Variants in GRK6 observed in about 807,000 individuals in gnomAD.
GRK6 encodes the protein G protein-coupled receptor kinase 6.
In GRK6, 37 loss-of-function variants were observed where a neutral mutation model predicts 80.8. That is an observed-to-expected ratio of 0.46 (90% CI 0.35 to 0.60). The LOEUF is 0.60. Among genes scored for constraint, GRK6 ranks in the 20% least tolerant of loss-of-function variants. The pLI is 0.00. For synonymous variants in GRK6, 295 were observed against 320.9 expected (o/e 0.92, Z 0.86); for missense variants, 560 against 784.6 (o/e 0.71, Z 3.42).
In GRK6 at chr5:177,434,108, G is replaced by C; in HGVS notation, c.929+4G>C. The C allele has an allele frequency of 6.4e-7, 1 of 1,552,740 alleles. No homozygotes were observed. The highest frequency in any genetic ancestry group is 8.7e-7 in the Non-Finnish European group (1 of 1,149,870). On this transcript the variant is annotated splice_donor_region_variant and intron_variant, in intron 9 of 15. Coordinates refer to ENST00000355472, the MANE Select transcript of GRK6 (RefSeq NM_001004106.3). ...ACCGGGAGCGCATCGTGTACAGGTG[G>C]GGAGGGCTCGGCCACCCCAGGGGCT...
chr5:177,427,809 G>A (rs1471099977), intron 1 of GRK6, among the ~76,000 whole-genome samples: 1 of 152,206 alleles, frequency 6.6e-6, no homozygotes, highest in Non-Finnish European at 1.5e-5. Flanking sequence ...AGGGCAAGGA[G>A]GGAGATTGTG....
At chr5:177,435,225 C>A in intron 11 of GRK6, 104 bp downstream of exon 11, 1 of 797,550 alleles carries the variant, frequency 1.3e-6, no homozygotes, top group Non-Finnish European at 2.0e-6. Context: ...AAAGGGGCCT[C>A]AGTAGAAAGG....
chr5:177,427,060 C>A (rs1297439588), intron 1 of GRK6, among the ~76,000 whole-genome samples, 163 bp downstream of exon 1: 2 of 152,124 alleles, frequency 1.3e-5, no homozygotes, highest in African/African-American at 4.8e-5. Flanking sequence ...TCTTCCTCCT[C>A]CGCACCTGCC....
At position 177,428,849 on chromosome 5, in the gene GRK6, C is replaced by T. The variant is rs944449324; in HGVS notation, c.52+1952C>T. 1.1e-4 allele frequency among the ~76,000 whole-genome samples: 16 copies of T among 152,158 alleles called. No individual in the cohort carries two copies. The highest frequency in any genetic ancestry group is 6.5e-5 in the Admixed American group (1 of 15,278). On this transcript the variant is annotated intron_variant, in intron 1 of 15. Transcript: ENST00000355472. The surrounding 1 kb of genome is among the most constrained non-coding windows in gnomAD (Gnocchi z 4.1). The stretch of plus-strand genomic sequence containing the variant: ...TGAGTCCTGAGCCCAGGCGCCTGGA[C>T]GGGCTGCATCAGAACCACCTCATGA...
At chr5:177,425,604 G>A (rs1324076142), upstream of GRK6, among the ~76,000 whole-genome samples, 5 of 152,208 alleles carry the variant, frequency 3.3e-5, no homozygotes, top group African/African-American at 9.6e-5. Context: ...CAAGTAAGCA[G>A]GGAGCCTGGC....
rs751785521 is a variant in GRK6, at chr5:177,431,976, CT to C, written c.149-17del. 6.8e-5 allele frequency: 110 copies of C among 1,608,846 alleles called. No homozygotes were observed. The highest frequency in any genetic ancestry group is 5.0e-5 in the Admixed American group (3 of 60,032). On this transcript the variant is annotated intron_variant, in intron 2 of 15. Coordinates refer to ENST00000355472, the MANE Select transcript of GRK6 (RefSeq NM_001004106.3). ...TGCTCTCGGGCTGTGGACCCAGCAGCTTCCATCACTGCCAACAGAGCGTGAC... is the reference window on the plus strand; with the variant it reads ...TGCTCTCGGGCTGTGGACCCAGCAGCTCCATCACTGCCAACAGAGCGTGAC...
At chr5:177,433,737 C>G (rs376738861) in intron 8 of GRK6, 61 bp downstream of exon 8, 1 of 1,583,674 alleles carries the variant, frequency 6.3e-7, no homozygotes, top group Non-Finnish European at 8.6e-7. Context: ...ACCGTCCCCA[C>G]CCCCCAGGCC....
In GRK6 at chr5:177,433,888, G is replaced by A. The variant is rs764815521; in HGVS notation, c.739-26G>A. On this transcript the variant is annotated intron_variant, in intron 8 of 15. Coordinates refer to ENST00000355472, the MANE Select transcript of GRK6 (RefSeq NM_001004106.3). ...GCCAAGCGCCCCGCAGCTCCTGCCT[G>A]AGGGCTCGGGTCCCCTCGGCCACAG... is the stretch of plus-strand genomic sequence containing the variant. The A allele has an allele frequency of 3.2e-5, 49 of 1,538,434 alleles. No individual in the cohort carries two copies. In the South Asian group the frequency reaches 5.7e-4, roughly 18 times the overall value.
At chr5:177,437,670 G>A (rs150741022) in intron 13 of GRK6, among the ~76,000 whole-genome samples, 126 of 152,272 alleles carry the variant, frequency 8.3e-4, no homozygotes, top group Non-Finnish European at 1.1e-3. Context: ...GTTTCCTGCT[G>A]TGTGCCACGA....
chr5:177,433,681 G>T lies in GRK6; in HGVS notation c.738+5G>T. 6.2e-7 allele frequency: 1 copy of T among 1,614,008 alleles called. No individual in the cohort carries two copies. Among genetic ancestry groups the T allele is most frequent in the Non-Finnish European group, 8.5e-7 (1 of 1,179,962 alleles). ...AAAGTGAACAGTAGGTTTGTAGTAA[G>T]TACAGAAGGAGACTCTCCCTTCCCC... On this transcript the variant is annotated splice_donor_5th_base_variant and intron_variant, in intron 8 of 15. Transcript: ENST00000355472.
At chr5:177,426,965 C>A in intron 1 of GRK6, 68 bp downstream of exon 1, 3 of 1,070,546 alleles carry the variant, frequency 2.8e-6, no homozygotes, top group Non-Finnish European at 3.6e-6. Flanking sequence ...CTGAGCTCCG[C>A]AGGGCTACCC....
At chr5:177,430,591 C>A in intron 1 of GRK6, 1 of 432,240 alleles carries the variant, frequency 2.3e-6, no homozygotes, top group Non-Finnish European at 4.2e-6. Context: ...CGGGAAGCAA[C>A]TGGGGCTGGA....
Position 177,441,787 on chromosome 5 carries a change from C to G in GRK6, c.1728C>G (p.Leu576=). 3.1e-6 allele frequency: 5 copies of G among 1,612,902 alleles called. No individual in the cohort carries two copies. Among genetic ancestry groups the G allele is most frequent in the Non-Finnish European group, 3.4e-6 (4 of 1,179,396 alleles). ...GCGAGGAAGAGCTCCCCACCCGCCT[C>G]TAGCCCCCAGCCCGAGGCCCCCACC... ...SDSEEELPTR[L] is the part of the protein sequence containing the mutation. Residue 576 remains leucine (L), a synonymous_variant, in exon 16 of 16, where the codon CTC becomes CTG. Coordinates refer to ENST00000355472, the MANE Select transcript of GRK6 (RefSeq NM_001004106.3).
At chr5:177,431,931 G>A (rs1763910122) in intron 2 of GRK6, 64 bp from the exon 3 acceptor site, 1 of 1,431,340 alleles carries the variant, frequency 7.0e-7, no homozygotes, top group East Asian at 2.3e-5. Flanking sequence ...CTGGTGGTGT[G>A]GGCACATGCC....
chr5:177,440,887 G>A, intron 14 of GRK6, 32 bp from the exon 15 acceptor site: 1 of 1,613,778 alleles, frequency 6.2e-7, no homozygotes, highest in South Asian at 1.1e-5. Context: ...CTGCCCTGGG[G>A]ACAGCTGTCA....
chr5:177,432,494 G>A (rs567805837), intron 4 of GRK6, among the ~76,000 whole-genome samples, 184 bp downstream of exon 4: 5 of 152,364 alleles, frequency 3.3e-5, no homozygotes, highest in African/African-American at 1.2e-4. Flanking sequence ...CCAGGGTATG[G>A]GCTGGGCTTG....
At chr5:177,432,934 G>A in intron 5 of GRK6, 128 bp downstream of exon 5, 1 of 850,954 alleles carries the variant, frequency 1.2e-6, no homozygotes, top group Non-Finnish European at 1.9e-6. Flanking sequence ...CCTTGCCCCT[G>A]CTGTGTGACC....
chr5:177,439,541 C>CAA (rs57996388), intron 13 of GRK6, among the ~76,000 whole-genome samples: 11 of 67,430 alleles, frequency 1.6e-4, no homozygotes, highest in Admixed American at 6.9e-4. Context: ...ACTCCCATCT[C>CAA]AAAAAAAAAA....
chr5:177,440,686 C>T lies in GRK6; in HGVS notation c.1405-14C>T. 1.2e-6 allele frequency: 2 copies of T among 1,613,528 alleles called. No individual in the cohort carries two copies. The highest frequency in any genetic ancestry group is 1.7e-6 in the Non-Finnish European group (2 of 1,179,500). On this transcript the variant is annotated splice_polypyrimidine_tract_variant and intron_variant, in intron 13 of 15. Coordinates refer to ENST00000355472, the MANE Select transcript of GRK6 (RefSeq NM_001004106.3). ...TGTGTGTTTCCTATCTGACCGTTGC[C>T]TCTGTCCCACCAGCCCCAGGCCATT...
Sources: gnomAD v4.1 joint callset for allele counts (sites outside exome capture counted in the v4.1 genomes callset) on GRCh38, gnomAD v4.1.1 for gene constraint, Gnocchi (gnomAD v3.1) non-coding constraint, MANE v1.5 for transcripts, NCBI Gene and HGNC (gene_info 2026-07-23, HGNC 2026-07-21) for gene names.